IQCK: variants seen among roughly 807,000 people sequenced by gnomAD.
IQCK encodes IQ motif containing K.
In IQCK, 29 loss-of-function variants were observed where a neutral mutation model predicts 28.1. The ratio of observed to expected loss-of-function variants is 1.03; its 90% CI spans 0.77 to 1.41. IQCK has a LOEUF of 1.41. Ranked by LOEUF, IQCK falls within the 40% of genes most tolerant of loss-of-function variation. IQCK has a pLI of 0.00. For synonymous variants in IQCK, 113 were observed against 115.1 expected (o/e 0.98, Z 0.12); for missense variants, 359 against 314.7 (o/e 1.14, Z -1.07).
intron 7 of IQCK, among the ~76,000 whole-genome samples, chr16:19,820,154 A>G (rs1394186): frequency 0.33 from 50,159 of 151,964 alleles, 8,843 homozygotes; most frequent in South Asian, 0.55. Context: ...AATCTTTATT[A>G]TCTTAGATTT....
intron 1 of IQCK, among the ~76,000 whole-genome samples, chr16:19,728,995 T>G (rs1300344754): frequency 6.6e-6 from 1 of 152,250 alleles, no homozygotes; most frequent in Non-Finnish European, 1.5e-5. Flanking sequence ...ACTGTGCAAT[T>G]GTCTTGACAA....
At chr16:19,718,280 A>G in exon 1 of IQCK, 3 of 1,585,240 alleles carry the variant, frequency 1.9e-6, no homozygotes, top group Non-Finnish European at 2.6e-6. Flanking sequence ...CCTTCCGGCG[A>G]ACGCGGTTAC....
At chr16:19,781,152 C>A (rs2055477851) in intron 6 of IQCK, among the ~76,000 whole-genome samples, 1 of 152,106 alleles carries the variant, frequency 6.6e-6, no homozygotes, top group Non-Finnish European at 1.5e-5. Flanking sequence ...TAAATTTTTC[C>A]TTTAGTCACA....
At chr16:19,850,531 C>T (rs976995493) in intron 9 of IQCK, among the ~76,000 whole-genome samples, 1 of 152,094 alleles carries the variant, frequency 6.6e-6, no homozygotes, top group African/African-American at 2.4e-5. Flanking sequence ...GAGCGTGAGC[C>T]AGTCTCCTCC....
intron 1 of IQCK, 102 bp downstream of exon 1, chr16:19,718,589 C>T (rs1977344501): frequency 3.6e-6 from 4 of 1,119,910 alleles, no homozygotes; most frequent in Non-Finnish European, 3.5e-6. Context: ...ACGGGCGGGG[C>T]CGCCGGGCAG....
chr16:19,761,051 T>G (rs2055131691), intron 4 of IQCK: 1 of 185,618 alleles, frequency 5.4e-6, no homozygotes, highest in Non-Finnish European at 1.1e-5. Context: ...ACTGGCTTCT[T>G]TACTGCAACT....
intron 7 of IQCK, among the ~76,000 whole-genome samples, chr16:19,814,207 C>A (rs1333767712): frequency 2.1e-4 from 10 of 47,042 alleles, no homozygotes; most frequent in South Asian, 8.2e-4. Context: ...GCAACAAGAG[C>A]AAAACTCTAT....
intron 4 of IQCK, chr16:19,761,244 A>C (rs1334548388): frequency 1.1e-5 from 4 of 358,576 alleles, no homozygotes; most frequent in African/African-American, 8.5e-5. Context: ...ATAAGGTTAC[A>C]TTCCGAAGGG....
At chr16:19,782,434 A>G (rs774747226) in intron 6 of IQCK, among the ~76,000 whole-genome samples, 21 of 152,004 alleles carry the variant, frequency 1.4e-4, no homozygotes, top group Non-Finnish European at 2.9e-4. Context: ...AACCTGGGCA[A>G]CATAGTGAGA....
chr16:19,766,591 T>C (rs2055241487), intron 6 of IQCK, among the ~76,000 whole-genome samples: 1 of 152,240 alleles, frequency 6.6e-6, no homozygotes, highest in Admixed American at 6.5e-5. Context: ...CTTGGCACTA[T>C]TGACATTTAG....
At chr16:19,823,265 GT>G (rs2141085875) in intron 7 of IQCK, among the ~76,000 whole-genome samples, 1 of 152,264 alleles carries the variant, frequency 6.6e-6, no homozygotes, top group Admixed American at 6.5e-5. Flanking sequence ...CATCCCCATG[GT>G]CAGCAGAGTT....
At chr16:19,827,240 G>T, downstream of IQCK, 2 of 758,710 alleles carry the variant, frequency 2.6e-6, no homozygotes, top group East Asian at 2.6e-5. Context: ...GTCCTTGTCT[G>T]CATGGAACTC....
chr16:19,729,675 C>T (rs546859103), intron 1 of IQCK, among the ~76,000 whole-genome samples: 3 of 151,586 alleles, frequency 2.0e-5, no homozygotes, highest in African/African-American at 4.8e-5. Context: ...GATGGAGTCT[C>T]GCTCTGTCGC....
intron 7 of IQCK, among the ~76,000 whole-genome samples, chr16:19,813,488 A>G (rs547706550): frequency 3.9e-5 from 6 of 152,362 alleles, no homozygotes; most frequent in East Asian, 1.9e-4. Context: ...GCAGCAGTAT[A>G]TGCCAGAAGA....
intron 4 of IQCK, among the ~76,000 whole-genome samples, chr16:19,762,537 C>A (rs921472435): frequency 2.0e-5 from 3 of 152,174 alleles, no homozygotes; most frequent in Admixed American, 6.5e-5. Flanking sequence ...CTTTGGAATT[C>A]TTTGCCCAAG....
intron 6 of IQCK, among the ~76,000 whole-genome samples, chr16:19,764,692 CTT>C (rs1277213098): frequency 7.6e-5 from 10 of 131,746 alleles, no homozygotes; most frequent in Non-Finnish European, 9.8e-5. Flanking sequence ...CCTTTAATTT[CTT>C]TTTTTTTTTT....
chr16:19,719,375 A>G (rs961376010), intron 1 of IQCK, among the ~76,000 whole-genome samples: 2 of 152,002 alleles, frequency 1.3e-5, no homozygotes, highest in African/African-American at 4.8e-5. Context: ...TGTGGCCACC[A>G]TCACTACCTA....
chr16:19,735,668 T>C, intron 4 of IQCK: 1 of 527,090 alleles, frequency 1.9e-6, no homozygotes, highest in South Asian at 2.1e-5. Context: ...TCCGGAGAGC[T>C]TTTCCGCCTT....
At chr16:19,828,071 C>T (rs1390370491), downstream of IQCK, among the ~76,000 whole-genome samples, 1 of 151,770 alleles carries the variant, frequency 6.6e-6, no homozygotes, top group Non-Finnish European at 1.5e-5. Flanking sequence ...CTCCACCACG[C>T]CTGGGTAATT....
Sources: gnomAD v4.1 joint callset for allele counts (sites outside exome capture counted in the v4.1 genomes callset) on GRCh38, gnomAD v4.1.1 for gene constraint, MANE v1.5 for transcripts, NCBI Gene and HGNC (gene_info 2026-07-23, HGNC 2026-07-21) for gene names.